The following OVGP1 variants were observed in gnomAD, a reference collection of about 807,000 sequenced individuals.
The protein encoded by OVGP1 is oviductal glycoprotein 1.
A neutral mutation model predicts 48.2 loss-of-function variants in OVGP1; 26 were observed. That is an observed-to-expected ratio of 0.54 (90% CI 0.40 to 0.75). OVGP1 has a LOEUF of 0.75. Ranked by LOEUF, OVGP1 falls within the 30% of genes least tolerant of loss-of-function variation. The pLI, the probability that OVGP1 is intolerant of heterozygous loss-of-function variation, is 0.00. For missense variants in OVGP1, 791 were observed against 820.6 expected, an observed-to-expected ratio of 0.96 and a Z score of 0.44; for synonymous variants, 294 against 305.7, an observed-to-expected ratio of 0.96 and a Z score of 0.40.
At chr1:111,427,027 C>A in intron 2 of OVGP1, 35 bp downstream of exon 2, 1 of 1,614,046 alleles carries the variant, frequency 6.2e-7, no homozygotes, top group Non-Finnish European at 8.5e-7. Context: ...CAGAGACTCT[C>A]CCTGGCTCTG....
intron 2 of OVGP1, 139 bp from the exon 3 acceptor site, chr1:111,426,780 C>T (rs1402538679): frequency 6.5e-7 from 1 of 1,548,144 alleles, no homozygotes. Flanking sequence ...AAGTACACCT[C>T]AGAACTACAC....
At chr1:111,427,234 C>T in intron 1 of OVGP1, 143 bp from the exon 2 acceptor site, 3 of 1,499,168 alleles carry the variant, frequency 2.0e-6, no homozygotes, top group South Asian at 1.4e-5. Flanking sequence ...GACACACACA[C>T]CATTTACTCG....
chr1:111,425,646 G>T (rs1262564188), intron 3 of OVGP1: 2 of 893,874 alleles, frequency 2.2e-6, no homozygotes, highest in East Asian at 5.5e-5. Flanking sequence ...CAACCCAAGG[G>T]CCATCACAGC....
intron 9 of OVGP1, among the ~76,000 whole-genome samples, chr1:111,418,466 A>G (rs1388354796): frequency 2.0e-5 from 3 of 152,356 alleles, no homozygotes; most frequent in East Asian, 3.9e-4. Context: ...TAATGCACAG[A>G]GGAGCTACGC....
Position 111,423,007 on chromosome 1 carries a change from G to A in OVGP1, c.528C>T (p.Arg176=), listed in dbSNP as rs148654020. The change falls in exon 6 of 11, where the codon CGC becomes CGT. Residue 176 remains arginine, a synonymous_variant. Transcript: ENST00000369732. The part of the protein sequence containing the change: ...AFRKEALLTM[R]PRLLLSAAVS... ...CAGCAGCAGACAGCAGCAGCCTCGG[G>A]CGCATGGTGAGCAGTGCCTCCTTCC... The A allele has an allele frequency of 2.5e-6, 4 of 1,614,170 alleles. No homozygotes were observed. Among genetic ancestry groups the A allele is most frequent in the Admixed American group, 3.3e-5 (2 of 60,022 alleles).
chr1:111,423,054 A>G lies in OVGP1; in HGVS notation c.484-3T>C. On this transcript the variant is annotated splice_polypyrimidine_tract_variant and splice_region_variant and intron_variant, in intron 5 of 10. Coordinates refer to ENST00000369732, the MANE Select transcript of OVGP1 (RefSeq NM_002557.4). ...TTCCGGAAGGCAAACAGGAGCTCCTAAGAGGAAAGACAGAAAGACACAGAG... is the reference window on the plus strand; with the variant it reads ...TTCCGGAAGGCAAACAGGAGCTCCTGAGAGGAAAGACAGAAAGACACAGAG... The G allele has an allele frequency of 1.2e-6, 2 of 1,613,916 alleles. No individual in the cohort carries two copies.
intron 6 of OVGP1, among the ~76,000 whole-genome samples, chr1:111,422,462 C>G (rs1652295220): frequency 6.6e-6 from 1 of 152,204 alleles, no homozygotes; most frequent in Admixed American, 6.5e-5. Context: ...TGCTCTTTGT[C>G]TAGCTTTTTA....
At position 111,414,878 on chromosome 1, in the gene OVGP1, G is replaced by A; in HGVS notation, c.1623C>T (p.Ser541=). ...SVTPVSHQSV[S]PGGTTMTPVH... Reference sequence around the variant, plus strand: ...CAGGGGTCATAGTCGTTCCTCCAGGGCTCACAGACTGATGACTCACAGGGG... The same window carrying A: ...CAGGGGTCATAGTCGTTCCTCCAGGACTCACAGACTGATGACTCACAGGGG... Residue 541 remains serine, a synonymous_variant, in exon 11 of 11, where the codon AGC becomes AGT. Coordinates refer to ENST00000369732, the MANE Select transcript of OVGP1 (RefSeq NM_002557.4). 6.5e-7 allele frequency: 1 copy of A among 1,546,068 alleles called. No homozygotes were observed. The highest frequency in any genetic ancestry group is 8.8e-7 in the Non-Finnish European group (1 of 1,141,146).
chr1:111,425,303 G>C, intron 4 of OVGP1, 80 bp downstream of exon 4: 1 of 1,550,428 alleles, frequency 6.4e-7, no homozygotes, highest in African/African-American at 1.4e-5. Flanking sequence ...GCATGGCCAA[G>C]CTGCCTTCCC....
chr1:111,417,658 C>T (rs1007158410), intron 9 of OVGP1, among the ~76,000 whole-genome samples: 1 of 152,140 alleles, frequency 6.6e-6, no homozygotes, highest in Non-Finnish European at 1.5e-5. Flanking sequence ...CACACACATA[C>T]TCACATACCC....
chr1:111,424,492 T>C (rs1652352247), intron 4 of OVGP1, among the ~76,000 whole-genome samples: 1 of 152,202 alleles, frequency 6.6e-6, no homozygotes, highest in African/African-American at 2.4e-5. Context: ...GGAATACCTG[T>C]GACAAATCTG....
chr1:111,424,967 A>G (rs1414424681), intron 4 of OVGP1, among the ~76,000 whole-genome samples: 1 of 152,174 alleles, frequency 6.6e-6, no homozygotes, highest in African/African-American at 2.4e-5. Context: ...GCATTTTGTT[A>G]TTTCCTTTCC....
At chr1:111,421,877 A>G (rs1300609355) in intron 6 of OVGP1, among the ~76,000 whole-genome samples, 1 of 152,220 alleles carries the variant, frequency 6.6e-6, no homozygotes, top group Non-Finnish European at 1.5e-5. Context: ...ATGAGGAGCT[A>G]TGCATCCTGA....
chr1:111,417,390 T>C (rs1186127477), intron 9 of OVGP1, among the ~76,000 whole-genome samples: 5 of 152,254 alleles, frequency 3.3e-5, no homozygotes. Flanking sequence ...GTCCAGGTTT[T>C]ATTATTACCT....
rs1405183343 is a variant in OVGP1 at position 111,426,582 on chromosome 1, C to T, written c.115G>A (p.Ala39Thr). ...TCCAGGTCATGGGGCAAGATCGAGG[C>T]AGGGCCTGGCCGACTGTGTGCCCAG... ...TNWAHSRPGP[A>T]SILPHDLDPF... The change falls in exon 3 of 11, where the codon GCC (alanine) becomes ACC (threonine). Residue 39 changes from alanine to threonine, a missense_variant. By Grantham distance (58) the Ala-to-Thr change is moderately conservative. Transcript: ENST00000369732. The T allele has an allele frequency of 1.2e-6, 2 of 1,614,086 alleles. No homozygotes were observed. The highest frequency in any genetic ancestry group is 2.2e-5 in the East Asian group (1 of 44,876).
intron 5 of OVGP1, 124 bp from the exon 6 acceptor site, chr1:111,423,175 G>T: frequency 8.5e-7 from 1 of 1,171,480 alleles, no homozygotes; most frequent in Non-Finnish European, 1.2e-6. Flanking sequence ...AAGGTGAGTT[G>T]GACATGGGCC....
In OVGP1 at chr1:111,423,691, G is replaced by C; in HGVS notation, c.335C>G (p.Ser112Cys). The C allele has an allele frequency of 6.2e-7, 1 of 1,614,098 alleles. No homozygotes were observed. The highest frequency in any genetic ancestry group is 8.5e-7 in the Non-Finnish European group (1 of 1,179,948). Reference sequence around the variant, plus strand: ...AAACTTTTCACGGTTGGCAAATGTGGACAACATAGTGGTGAATCTGTAGGG... The same window carrying C: ...AAACTTTTCACGGTTGGCAAATGTGCACAACATAGTGGTGAATCTGTAGGG... ...FGTSRFTTML[S>C]TFANREKFIA... Residue 112 changes from serine (S) to cysteine (C), a missense_variant, in exon 5 of 11, where the codon TCC becomes TGC. Ser to Cys is a moderately radical substitution (Grantham distance 112). Coordinates refer to ENST00000369732, the MANE Select transcript of OVGP1 (RefSeq NM_002557.4).
At chr1:111,425,553 G>A in intron 3 of OVGP1, 114 bp from the exon 4 acceptor site, 1 of 1,541,562 alleles carries the variant, frequency 6.5e-7, no homozygotes, top group Non-Finnish European at 8.7e-7. Context: ...AGAGATGGGA[G>A]GTAAGGAAAG....
Position 111,427,691 on chromosome 1 carries a change from A to T in OVGP1, c.25+6T>A. The T allele has an allele frequency of 6.2e-7, 1 of 1,613,002 alleles. No individual in the cohort carries two copies. Among genetic ancestry groups the T allele is most frequent in the Non-Finnish European group, 8.5e-7 (1 of 1,179,856 alleles). On this transcript the variant is annotated splice_donor_region_variant and intron_variant, in intron 1 of 10. Transcript: ENST00000369732. ...GAGTGACACTGCTGGGACCTGCCAC[A>T]CTCACCAACCCACAGCAACAGCTTC...
Sources: gnomAD v4.1 joint callset for allele counts (sites outside exome capture counted in the v4.1 genomes callset) on GRCh38, gnomAD v4.1.1 for gene constraint, MANE v1.5 for transcripts, NCBI Gene and HGNC (gene_info 2026-07-23, HGNC 2026-07-21) for gene names.